EXOC4: variants seen among roughly 807,000 people sequenced by gnomAD.
The protein encoded by EXOC4 is SEC8-like 1.
In EXOC4, 71 loss-of-function variants were observed where a neutral mutation model predicts 107.2. That is an observed-to-expected ratio of 0.66 (90% CI 0.55 to 0.81). EXOC4 has a LOEUF of 0.81. Ranked by LOEUF, EXOC4 falls within the 30% of genes least tolerant of loss-of-function variation. The pLI is 0.00. For missense variants in EXOC4, 1,108 were observed against 1,189.6 expected (o/e 0.93, Z 1.01); for synonymous variants, 456 against 441.2 (o/e 1.03, Z -0.42).
chr7:134,004,234 ATTG>A, intron 15 of EXOC4, among the ~76,000 whole-genome samples: 1 of 152,330 alleles, frequency 6.6e-6, no homozygotes, highest in East Asian at 1.9e-4. Flanking sequence ...CTAATAAATT[ATTG>A]TTAATAAATA....
At chr7:133,260,526 G>A (rs1562992184) in intron 1 of EXOC4, among the ~76,000 whole-genome samples, 1 of 152,164 alleles carries the variant, frequency 6.6e-6, no homozygotes, top group Admixed American at 6.5e-5. Flanking sequence ...CACTTGCCTC[G>A]GCCTCCCAAA....
chr7:133,944,013 T>C (rs1800493004), intron 14 of EXOC4, among the ~76,000 whole-genome samples: 1 of 152,180 alleles, frequency 6.6e-6, no homozygotes, highest in South Asian at 2.1e-4. Flanking sequence ...ATTTTTAGAT[T>C]TAGTGTAAAG....
intron 7 of EXOC4, among the ~76,000 whole-genome samples, chr7:133,384,394 C>G (rs1752210522): frequency 6.6e-6 from 1 of 152,150 alleles, no homozygotes; most frequent in Non-Finnish European, 1.5e-5. Context: ...AAGCTTATCT[C>G]TGTCTGGTTT....
At chr7:133,785,167 A>G (rs1393710056) in intron 10 of EXOC4, among the ~76,000 whole-genome samples, 1 of 152,216 alleles carries the variant, frequency 6.6e-6, no homozygotes, top group East Asian at 1.9e-4. Context: ...TATCAGCCCA[A>G]GTGCCCCTGC....
intron 4 of EXOC4, among the ~76,000 whole-genome samples, chr7:133,310,901 G>A (rs1794856502): frequency 6.6e-6 from 1 of 152,134 alleles, no homozygotes; most frequent in Non-Finnish European, 1.5e-5. Context: ...CTGTTCAGAT[G>A]TTTGGTACCC....
At chr7:133,730,604 C>A (rs566258208) in intron 10 of EXOC4, among the ~76,000 whole-genome samples, 80 of 152,202 alleles carry the variant, frequency 5.3e-4, no homozygotes, top group Middle Eastern at 3.4e-3. Context: ...TTTATAAAGT[C>A]ATTAATCTTC....
At chr7:133,687,601 G>T (rs1287333122) in intron 10 of EXOC4, among the ~76,000 whole-genome samples, 3 of 152,064 alleles carry the variant, frequency 2.0e-5, no homozygotes, top group Non-Finnish European at 4.4e-5. Flanking sequence ...CAGTCAGGGA[G>T]ATTGATTTGA....
chr7:133,561,559 G>A (rs1398365866), intron 9 of EXOC4, among the ~76,000 whole-genome samples: 1 of 152,052 alleles, frequency 6.6e-6, no homozygotes, highest in Non-Finnish European at 1.5e-5. Flanking sequence ...AATTGCCTTG[G>A]GCATTCCTCA....
chr7:133,526,213 T>C (rs1203954754), intron 9 of EXOC4, among the ~76,000 whole-genome samples: 1 of 152,246 alleles, frequency 6.6e-6, no homozygotes, highest in Non-Finnish European at 1.5e-5. Flanking sequence ...GAGAAATTCT[T>C]ATTTCTTTGG....
At chr7:133,660,727 G>A (rs1374458731) in intron 10 of EXOC4, among the ~76,000 whole-genome samples, 5 of 152,060 alleles carry the variant, frequency 3.3e-5, no homozygotes, top group South Asian at 2.1e-4. Flanking sequence ...GAGACCCAAT[G>A]GTAGTTTTAT....
Position 134,010,444 on chromosome 7 carries a change from C to G in EXOC4, c.2687+2609C>G, listed in dbSNP as rs141540880. The stretch of plus-strand genomic sequence containing the variant: ...CCTACTACTCATAGTCTCTTTCCCT[C>G]TCATTTTTTCTTGTTTTCATACAGA... On this transcript the variant is annotated intron_variant, in intron 17 of 17. Coordinates refer to ENST00000253861, the MANE Select transcript of EXOC4 (RefSeq NM_021807.4). Among the ~76,000 whole-genome samples, 1,242 of 152,260 alleles carry G rather than the reference C, an allele frequency of 8.2e-3. 55 individuals carry two copies. Among genetic ancestry groups the G allele is most frequent in the Admixed American group, 0.074 (1,134 of 15,278 alleles).
At chr7:133,543,444 C>G (rs1278962132) in intron 9 of EXOC4, among the ~76,000 whole-genome samples, 2 of 151,606 alleles carry the variant, frequency 1.3e-5, no homozygotes, top group Admixed American at 6.6e-5. Flanking sequence ...GCATTTTTTC[C>G]CCTCATTTTA....
At chr7:133,465,524 C>G (rs1798706590) in intron 7 of EXOC4, among the ~76,000 whole-genome samples, 1 of 152,064 alleles carries the variant, frequency 6.6e-6, no homozygotes, top group Non-Finnish European at 1.5e-5. Context: ...AAGACTTGAG[C>G]AACACTATTA....
chr7:133,638,681 C>T (rs527568914), intron 10 of EXOC4, among the ~76,000 whole-genome samples: 5 of 151,964 alleles, frequency 3.3e-5, no homozygotes, highest in African/African-American at 7.2e-5. Flanking sequence ...GTAACTGGTA[C>T]GTACGAGTAT....
At chr7:133,605,899 G>A (rs1801934067) in intron 9 of EXOC4, among the ~76,000 whole-genome samples, 1 of 152,142 alleles carries the variant, frequency 6.6e-6, no homozygotes, top group Non-Finnish European at 1.5e-5. Context: ...TCAGAAAAAT[G>A]AGGTGGAATT....
intron 9 of EXOC4, among the ~76,000 whole-genome samples, chr7:133,624,943 ACTAT>A (rs1217310141): frequency 1.3e-5 from 2 of 151,868 alleles, no homozygotes; most frequent in Non-Finnish European, 2.9e-5. Flanking sequence ...GATGGCTAAC[ACTAT>A]CTAATGTTTT....
chr7:133,474,673 T>G (rs147833565), intron 7 of EXOC4, among the ~76,000 whole-genome samples: 68 of 152,228 alleles, frequency 4.5e-4, no homozygotes, highest in African/African-American at 1.6e-3. Context: ...ATATGAGTAG[T>G]GGCTATGGAA....
chr7:133,910,027 A>G (rs978233366), intron 12 of EXOC4, among the ~76,000 whole-genome samples: 7 of 149,248 alleles, frequency 4.7e-5, no homozygotes, highest in Non-Finnish European at 7.4e-5. Flanking sequence ...AGGTTCAAGC[A>G]ATTCTCCTGC....
chr7:133,568,417 A>G (rs1212116386), intron 9 of EXOC4, among the ~76,000 whole-genome samples: 1 of 152,202 alleles, frequency 6.6e-6, no homozygotes, highest in African/African-American at 2.4e-5. Context: ...ACACAGTTAT[A>G]AAAGACTTCC....
Sources: gnomAD v4.1 joint callset for allele counts (sites outside exome capture counted in the v4.1 genomes callset) on GRCh38, gnomAD v4.1.1 for gene constraint, MANE v1.5 for transcripts, NCBI Gene and HGNC (gene_info 2026-07-23, HGNC 2026-07-21) for gene names.